Variants in CACNB2 observed in about 807,000 individuals in gnomAD.
CACNB2 encodes the protein voltage-dependent L-type calcium channel subunit beta-2.
CACNB2 carries 42 observed loss-of-function variants against 73.3 expected under a neutral mutation model. That is an observed-to-expected ratio of 0.57 (90% confidence interval 0.45 to 0.74). The LOEUF (loss-of-function observed/expected upper bound fraction) is 0.74, where lower values mean the gene tolerates loss of function less well. CACNB2 is among the 30% of genes least tolerant of loss of function. The pLI is 0.00. For synonymous variants in CACNB2, 348 were observed against 310.3 expected, an observed-to-expected ratio of 1.12 and a Z score of -1.28; for missense variants, 940 against 853.0, an observed-to-expected ratio of 1.10 and a Z score of -1.27.
chr10:18,461,751 C>T (rs2047589420), intron 3 of CACNB2, among the ~76,000 whole-genome samples: 1 of 137,282 alleles, frequency 7.3e-6, no homozygotes, highest in African/African-American at 2.7e-5. Context: ...CTGCTTTAGG[C>T]ATTTCGATAA....
At chr10:18,192,874 CA>C (rs1237437315) in intron 2 of CACNB2, among the ~76,000 whole-genome samples, 1 of 152,168 alleles carries the variant, frequency 6.6e-6, no homozygotes, top group African/African-American at 2.4e-5. Flanking sequence ...TTGTGTGCCA[CA>C]AATTATCCAT....
intron 2 of CACNB2, among the ~76,000 whole-genome samples, chr10:18,399,603 G>A (rs755984858): frequency 1.6e-4 from 25 of 151,958 alleles, no homozygotes; most frequent in African/African-American, 4.6e-4. Flanking sequence ...GGCTGGTCTC[G>A]AACTCATGGG....
intron 3 of CACNB2, among the ~76,000 whole-genome samples, chr10:18,495,657 C>T (rs941157597): frequency 4.0e-5 from 6 of 151,726 alleles, no homozygotes; most frequent in Non-Finnish European, 8.8e-5. Context: ...AAGTGATGCT[C>T]CCACCATGCC....
chr10:18,286,096 G>T (rs1371541769), intron 2 of CACNB2, among the ~76,000 whole-genome samples: 1 of 152,178 alleles, frequency 6.6e-6, no homozygotes, highest in African/African-American at 2.4e-5. Flanking sequence ...TTATAATTTT[G>T]AAGTACCAAT....
At chr10:18,321,888 C>A (rs1264454866) in intron 2 of CACNB2, among the ~76,000 whole-genome samples, 1 of 152,092 alleles carries the variant, frequency 6.6e-6, no homozygotes, top group African/African-American at 2.4e-5. Context: ...GGTGGTGGCT[C>A]ACACCTATAA....
rs185598157 is a variant in CACNB2, at chr10:18,241,528, A to G, written c.213+90553A>G. Among the ~76,000 whole-genome samples the G allele has an allele frequency of 2.0e-5, 3 of 152,130 alleles. No homozygotes were observed. In the East Asian group the frequency reaches 5.8e-4, roughly 29 times the overall value. On this transcript the variant is annotated intron_variant, in intron 2 of 13. Transcript: ENST00000324631. ...CAGCAAACCACCATGGCATATGTAT[A>G]CCTATGTAAGAAACCTGCATGTTAT...
chr10:18,519,933 C>T (rs2051681693), intron 9 of CACNB2: 3 of 337,424 alleles, frequency 8.9e-6, no homozygotes, highest in South Asian at 2.3e-5. Flanking sequence ...CTTTGAAATA[C>T]TTTGCTTGGT....
chr10:18,281,212 C>G (rs989441247), intron 2 of CACNB2, among the ~76,000 whole-genome samples: 5 of 152,140 alleles, frequency 3.3e-5, no homozygotes, highest in African/African-American at 1.2e-4. Context: ...GTGCCTCAAG[C>G]AGAGAAAATT....
At chr10:18,473,109 A>G (rs932435223) in intron 3 of CACNB2, among the ~76,000 whole-genome samples, 5 of 152,192 alleles carry the variant, frequency 3.3e-5, no homozygotes, top group Non-Finnish European at 5.9e-5. Context: ...ATGAGAATCA[A>G]CTGTGGTGCT....
chr10:18,361,079 A>G (rs1305543374), intron 2 of CACNB2, among the ~76,000 whole-genome samples: 1 of 151,262 alleles, frequency 6.6e-6, no homozygotes, highest in Non-Finnish European at 1.5e-5. Flanking sequence ...TCCCCCATCT[A>G]CTAAATGTGT....
intron 2 of CACNB2, among the ~76,000 whole-genome samples, chr10:18,277,480 A>C (rs145267547): frequency 6.6e-6 from 1 of 152,216 alleles, no homozygotes; most frequent in African/African-American, 2.4e-5. Flanking sequence ...CCAACACTCT[A>C]ATACAACGAG....
intron 2 of CACNB2, among the ~76,000 whole-genome samples, chr10:18,196,686 C>G (rs141015638): frequency 2.8e-4 from 43 of 152,314 alleles, no homozygotes; most frequent in African/African-American, 8.7e-4. Flanking sequence ...TTTATCACAT[C>G]TATTCATTTC....
intron 3 of CACNB2, among the ~76,000 whole-genome samples, chr10:18,430,070 T>G (rs1027086757): frequency 6.6e-6 from 1 of 152,088 alleles, no homozygotes; most frequent in Non-Finnish European, 1.5e-5. Flanking sequence ...TTATCTGAAT[T>G]TTGGTATAAT....
At chr10:18,397,658 T>G (rs1243806628) in intron 2 of CACNB2, among the ~76,000 whole-genome samples, 1 of 138,954 alleles carries the variant, frequency 7.2e-6, no homozygotes, top group African/African-American at 2.7e-5. Context: ...GAGGTTGCAG[T>G]GAGCTGAGAT....
intron 2 of CACNB2, among the ~76,000 whole-genome samples, chr10:18,301,790 A>C (rs2039523725): frequency 6.6e-6 from 1 of 151,832 alleles, no homozygotes; most frequent in Non-Finnish European, 1.5e-5. Flanking sequence ...CTGGGATTAC[A>C]GGCATCTGCC....
At chr10:18,239,740 G>A (rs1447061434) in intron 2 of CACNB2, among the ~76,000 whole-genome samples, 1 of 152,188 alleles carries the variant, frequency 6.6e-6, no homozygotes, top group Non-Finnish European at 1.5e-5. Flanking sequence ...AACTTTAAAA[G>A]TAGAGAAGTG....
chr10:18,445,545 A>G (rs2046690437), intron 3 of CACNB2, among the ~76,000 whole-genome samples: 1 of 152,224 alleles, frequency 6.6e-6, no homozygotes, highest in African/African-American at 2.4e-5. Flanking sequence ...TTCATTATTC[A>G]GGTTACTTCT....
chr10:18,311,986 G>A (rs941605834), intron 2 of CACNB2, among the ~76,000 whole-genome samples: 1 of 152,120 alleles, frequency 6.6e-6, no homozygotes, highest in African/African-American at 2.4e-5. Flanking sequence ...ATACTTCTGG[G>A]TATGTCAGTA....
At chr10:18,457,169 C>A (rs908830074) in intron 3 of CACNB2, among the ~76,000 whole-genome samples, 1 of 152,204 alleles carries the variant, frequency 6.6e-6, no homozygotes, top group Admixed American at 6.5e-5. Context: ...TGGTTCACTG[C>A]AGGCTCAACC....
Sources: allele counts gnomAD v4.1 joint callset (sites outside exome capture counted in the v4.1 genomes callset), GRCh38; gene constraint gnomAD v4.1.1; transcripts MANE v1.5; gene names NCBI Gene and HGNC (gene_info 2026-07-23, HGNC 2026-07-21).